Variants in IL1RAPL1 observed in about 807,000 individuals in gnomAD.
IL1RAPL1 encodes interleukin-1 receptor accessory protein-like 1.
Under a neutral mutation model 48.4 loss-of-function variants are expected in IL1RAPL1, and 3 were observed. That is an observed-to-expected ratio of 0.06 (90% CI 0.03 to 0.16). IL1RAPL1 has a LOEUF of 0.16. Ranked by LOEUF, IL1RAPL1 falls within the 10% of genes least tolerant of loss-of-function variation. The pLI is 1.00. For synonymous variants in IL1RAPL1, 185 were observed against 187.7 expected (o/e 0.99, Z 0.12); for missense variants, 349 against 530.6 (o/e 0.66, Z 3.36).
At chrX:28,655,582 T>C (rs942181346) in intron 1 of IL1RAPL1, among the ~76,000 whole-genome samples, 2 of 111,556 alleles carry the variant, frequency 1.8e-5, no homozygotes, top group Non-Finnish European at 3.8e-5. Flanking sequence ...AAAATACATT[T>C]ATCTTAATTA....
intron 3 of IL1RAPL1, among the ~76,000 whole-genome samples, chrX:29,384,682 T>C (rs936829809): frequency 5.3e-5 from 6 of 112,747 alleles, no homozygotes; most frequent in Non-Finnish European, 9.4e-5. Context: ...GCTAGTTCCA[T>C]TGGGGTAAGC....
At chrX:28,703,563 C>G (rs1284095081) in intron 1 of IL1RAPL1, among the ~76,000 whole-genome samples, 1 of 111,177 alleles carries the variant, frequency 9.0e-6, no homozygotes, top group Non-Finnish European at 1.9e-5. Flanking sequence ...CCCCAACCCC[C>G]TAAAGAATAT....
intron 3 of IL1RAPL1, among the ~76,000 whole-genome samples, chrX:29,364,362 C>T (rs1256483444): frequency 2.8e-5 from 3 of 108,652 alleles, no homozygotes; most frequent in Admixed American, 2.0e-4. Context: ...ATTTCGAGAC[C>T]AGCCTGTCCA....
At chrX:29,112,150 G>C (rs1245258155) in intron 2 of IL1RAPL1, among the ~76,000 whole-genome samples, 3 of 110,244 alleles carry the variant, frequency 2.7e-5, no homozygotes, top group Non-Finnish European at 5.7e-5. Flanking sequence ...GGCTGGTCTA[G>C]AACTCCTCAA....
At position 29,843,158 on chromosome X, in the gene IL1RAPL1, T is replaced by C. The variant is rs1024308172; in HGVS notation, c.779-74306T>C. Among the ~76,000 whole-genome samples the C allele has an allele frequency of 3.6e-5, 4 of 112,000 alleles. No homozygotes were observed. In the East Asian group the frequency reaches 1.1e-3, roughly 31 times the overall value. On this transcript the variant is annotated intron_variant, in intron 6 of 10. Transcript: ENST00000378993. ...TTATGGCGTGTACTGAATTATGAGT[T>C]CCGTACATTCACTGATAGACAAGAT...
intron 1 of IL1RAPL1, among the ~76,000 whole-genome samples, chrX:28,771,877 G>A (rs1026324045): frequency 3.1e-5 from 3 of 97,682 alleles, no homozygotes; most frequent in Non-Finnish European, 6.0e-5. Flanking sequence ...CTTGCAGTGA[G>A]CCGAGATTGC....
intron 5 of IL1RAPL1, among the ~76,000 whole-genome samples, chrX:29,500,100 C>T (rs891040322): frequency 4.7e-4 from 52 of 110,337 alleles, no homozygotes; most frequent in Middle Eastern, 9.3e-3. Context: ...GCCTCAGCCT[C>T]CTGAGTAGCT....
chrX:29,825,264 G>T (rs763643149), intron 6 of IL1RAPL1, among the ~76,000 whole-genome samples: 1 of 111,084 alleles, frequency 9.0e-6, no homozygotes, highest in African/African-American at 3.3e-5. Context: ...TCAGTTTGCT[G>T]TCTATCGGTG....
At chrX:29,789,027 A>G (rs1929570250) in intron 6 of IL1RAPL1, among the ~76,000 whole-genome samples, 1 of 112,034 alleles carries the variant, frequency 8.9e-6, no homozygotes, top group African/African-American at 3.2e-5. Context: ...TCCTAGCTAT[A>G]TATTGGTGCA....
chrX:29,762,096 G>A (rs923805319), intron 6 of IL1RAPL1, among the ~76,000 whole-genome samples: 1 of 111,669 alleles, frequency 9.0e-6, no homozygotes, highest in African/African-American at 3.3e-5. Context: ...TTAATTAGAA[G>A]AACAAATTGA....
chrX:29,086,544 T>A (rs1458611204), intron 2 of IL1RAPL1, among the ~76,000 whole-genome samples: 1 of 112,087 alleles, frequency 8.9e-6, no homozygotes, highest in African/African-American at 3.2e-5. Flanking sequence ...CTCCCTTTTA[T>A]CTGCACCCAA....
At chrX:29,045,149 A>T (rs1926927099) in intron 2 of IL1RAPL1, among the ~76,000 whole-genome samples, 1 of 111,797 alleles carries the variant, frequency 8.9e-6, no homozygotes, top group African/African-American at 3.3e-5. Context: ...ACGGTGGATC[A>T]TAATGCAGTG....
intron 3 of IL1RAPL1, among the ~76,000 whole-genome samples, chrX:29,350,191 TTATATATATATATATATATATA>T (rs397897010): frequency 5.1e-5 from 2 of 39,432 alleles, no homozygotes; most frequent in African/African-American, 3.5e-4. Flanking sequence ...TACTGTTATT[TTATATATATATATATATATATA>T]TATATATATA....
At chrX:29,819,297 T>C (rs759195870) in intron 6 of IL1RAPL1, among the ~76,000 whole-genome samples, 1 of 111,852 alleles carries the variant, frequency 8.9e-6, no homozygotes, top group Non-Finnish European at 1.9e-5. Context: ...CACAGACTGC[T>C]TTAAAAATAT....
At chrX:29,404,407 A>C (rs1285209554) in intron 5 of IL1RAPL1, among the ~76,000 whole-genome samples, 1 of 110,956 alleles carries the variant, frequency 9.0e-6, no homozygotes, top group Non-Finnish European at 1.9e-5. Flanking sequence ...TGAGCATTTT[A>C]TCTCTTCCAT....
intron 6 of IL1RAPL1, among the ~76,000 whole-genome samples, chrX:29,764,626 T>A (rs1000873632): frequency 8.9e-6 from 1 of 112,203 alleles, no homozygotes; most frequent in African/African-American, 3.2e-5. Flanking sequence ...TTGGAAGCAC[T>A]GGACACACTT....
chrX:29,008,208 C>T (rs1028745859), intron 2 of IL1RAPL1, among the ~76,000 whole-genome samples: 99 of 108,860 alleles, frequency 9.1e-4, no homozygotes, highest in South Asian at 1.6e-3. Flanking sequence ...CTCACTCTAT[C>T]GCCCAGGCTG....
intron 5 of IL1RAPL1, among the ~76,000 whole-genome samples, chrX:29,552,359 A>G (rs767947307): frequency 2.7e-5 from 3 of 111,130 alleles, no homozygotes; most frequent in Non-Finnish European, 5.7e-5. Flanking sequence ...TGGCCCCTAC[A>G]GTTTTAACTT....
chrX:28,678,560 A>T (rs1474093791), intron 1 of IL1RAPL1, among the ~76,000 whole-genome samples: 1 of 111,837 alleles, frequency 8.9e-6, no homozygotes, highest in African/African-American at 3.2e-5. Context: ...ATATTTATAA[A>T]TTGGTATTCT....
Sources: allele counts gnomAD v4.1 joint callset (sites outside exome capture counted in the v4.1 genomes callset), GRCh38; gene constraint gnomAD v4.1.1; transcripts MANE v1.5; gene names NCBI Gene and HGNC (gene_info 2026-07-23, HGNC 2026-07-21).